The following SDCCAG8 variants were observed in gnomAD, a reference collection of about 807,000 sequenced individuals.
The protein encoded by SDCCAG8 is SHH signaling and ciliogenesis regulator SDCCAG8, also known as serologically defined colon cancer antigen 8.
Under a neutral mutation model 101.8 loss-of-function variants are expected in SDCCAG8, and 74 were observed. The observed-to-expected ratio is 0.73, with a 90% CI of 0.60 to 0.88. The LOEUF (loss-of-function observed/expected upper bound fraction) is 0.88. Among genes scored for constraint, SDCCAG8 ranks in the 40% least tolerant of loss-of-function variants. The pLI, the probability that SDCCAG8 is intolerant of heterozygous loss-of-function variation, is 0.00. For synonymous variants in SDCCAG8, 281 were observed against 292.9 expected (o/e 0.96, Z 0.41); for missense variants, 787 against 822.6 (o/e 0.96, Z 0.53).
intron 16 of SDCCAG8, among the ~76,000 whole-genome samples, chr1:243,450,446 G>A (rs11800122): frequency 0.19 from 28,323 of 152,072 alleles, 2,850 homozygotes; most frequent in African/African-American, 0.26. Context: ...AAAATACAAA[G>A]GTGATTGAAT....
intron 13 of SDCCAG8, among the ~76,000 whole-genome samples, chr1:243,381,954 G>C (rs886877050): frequency 3.3e-5 from 5 of 152,226 alleles, no homozygotes; most frequent in African/African-American, 1.2e-4. Context: ...GGATAGTCAG[G>C]GAGGTGGAGA....
intron 4 of SDCCAG8, among the ~76,000 whole-genome samples, chr1:243,283,814 C>T (rs372458616): frequency 6.6e-6 from 1 of 152,176 alleles, no homozygotes; most frequent in Non-Finnish European, 1.5e-5. Context: ...GATCTTGGCT[C>T]ACTGCAACCT....
chr1:243,317,591 G>T (rs1235739369), intron 9 of SDCCAG8, among the ~76,000 whole-genome samples: 1 of 152,226 alleles, frequency 6.6e-6, no homozygotes, highest in Non-Finnish European at 1.5e-5. Flanking sequence ...AAAGTGCTGA[G>T]ATTACAGGCG....
chr1:243,357,214 C>T (rs1227871887), intron 12 of SDCCAG8, among the ~76,000 whole-genome samples: 2 of 151,844 alleles, frequency 1.3e-5, no homozygotes, highest in African/African-American at 4.8e-5. Flanking sequence ...CCCATCTCTA[C>T]TAAAAATACA....
At chr1:243,391,991 C>T (rs144419793) in intron 13 of SDCCAG8, among the ~76,000 whole-genome samples, 58 of 152,218 alleles carry the variant, frequency 3.8e-4, no homozygotes, top group African/African-American at 1.2e-3. Context: ...CCAGGCTGGA[C>T]GTTGCTTGAG....
rs528849901 is a variant in SDCCAG8 at position 243,442,489 on chromosome 1, G to A, written c.1985+15931G>A. ...GTGTGGCCTTCCCAAAGACAAGGAA[G>A]CGTCCCATTCAAGTGTGTCTCAGTG... On this transcript the variant is annotated intron_variant, in intron 16 of 17. Transcript: ENST00000366541. Among the ~76,000 whole-genome samples the A allele has an allele frequency of 3.9e-5, 6 of 152,198 alleles. No homozygotes were observed. In the East Asian group the frequency reaches 1.2e-3, roughly 29 times the overall value.
intron 6 of SDCCAG8, among the ~76,000 whole-genome samples, chr1:243,294,507 G>GAGAGAGAGAGAGAGAGAGAGAGAC (rs2070637406): frequency 3.9e-5 from 1 of 25,754 alleles, no homozygotes; most frequent in Non-Finnish European, 8.2e-5. Flanking sequence ...GAGAAAGAGC[G>GAGAGAGAGAGAGAGAGAGAGAGAC]AGAGAGAGAG....
At chr1:243,378,941 T>TA in intron 13 of SDCCAG8, 78 bp downstream of exon 13, 1 of 1,572,510 alleles carries the variant, frequency 6.4e-7, no homozygotes, top group Non-Finnish European at 8.8e-7. Context: ...AAACAGTTGT[T>TA]AGAGTTAGTC....
intron 16 of SDCCAG8, among the ~76,000 whole-genome samples, chr1:243,441,962 A>T (rs1038764239): frequency 1.3e-5 from 2 of 152,202 alleles, no homozygotes; most frequent in African/African-American, 4.8e-5. Context: ...CTGTTATAAC[A>T]TCTATATGTG....
chr1:243,283,582 TGAG>T (rs1358307749), intron 4 of SDCCAG8, among the ~76,000 whole-genome samples: 2 of 151,974 alleles, frequency 1.3e-5, no homozygotes, highest in African/African-American at 4.8e-5. Context: ...AGTCTACTGA[TGAG>T]CCTTTCAAAG....
At chr1:243,480,607 G>GATGGATGGATGGGTGGT (rs1663422616) in intron 16 of SDCCAG8, among the ~76,000 whole-genome samples, 2 of 95,014 alleles carry the variant, frequency 2.1e-5, no homozygotes, top group Non-Finnish European at 4.3e-5. Context: ...GGGTGGGATG[G>GATGGATGGATGGGTGGT]ATGGATGGAT....
intron 16 of SDCCAG8, among the ~76,000 whole-genome samples, chr1:243,465,692 A>G (rs2148173665): frequency 6.6e-6 from 1 of 152,354 alleles, no homozygotes; most frequent in East Asian, 1.9e-4. Context: ...TATAATTTAA[A>G]TGTCTCTGAA....
rs1384351807 is a variant in SDCCAG8 at position 243,379,775 on chromosome 1, TA to T, written c.1616+915del. 1.1e-4 allele frequency among the ~76,000 whole-genome samples: 16 copies of T among 152,354 alleles called. No individual in the cohort carries two copies. The East Asian group carries it at 2.9e-3, about 28-fold the overall frequency. On this transcript the variant is annotated intron_variant, in intron 13 of 17. Transcript: ENST00000366541. Reference sequence around the variant, plus strand: ...AGTTCATGATATTTGGTTTGGTTTATAAATTAGAAAAACATTGGTCTTCCAA... The same window carrying T: ...AGTTCATGATATTTGGTTTGGTTTATAATTAGAAAAACATTGGTCTTCCAA...
chr1:243,307,817 C>T, intron 7 of SDCCAG8, 172 bp from the exon 8 acceptor site: 1 of 1,461,896 alleles, frequency 6.8e-7, no homozygotes, highest in East Asian at 2.5e-5. Context: ...CAATTAGAAT[C>T]ACCACACCAA....
At chr1:243,495,637 G>A (rs1047861375) in intron 17 of SDCCAG8, among the ~76,000 whole-genome samples, 4 of 152,222 alleles carry the variant, frequency 2.6e-5, no homozygotes, top group Admixed American at 6.5e-5. Flanking sequence ...CAGCAGGGCC[G>A]CAGGGGCCTG....
chr1:243,310,714 G>T (rs1305534186), intron 8 of SDCCAG8, among the ~76,000 whole-genome samples: 4 of 152,100 alleles, frequency 2.6e-5, no homozygotes, highest in Non-Finnish European at 4.4e-5. Context: ...AAAAATATTT[G>T]CACTATACAT....
chr1:243,303,404 C>A (rs930871279), intron 6 of SDCCAG8, among the ~76,000 whole-genome samples: 1 of 152,110 alleles, frequency 6.6e-6, no homozygotes, highest in Non-Finnish European at 1.5e-5. Context: ...GAAATTACCA[C>A]GTGTTTCCAT....
chr1:243,409,660 G>C (rs942166215), intron 13 of SDCCAG8, among the ~76,000 whole-genome samples: 2 of 152,080 alleles, frequency 1.3e-5, no homozygotes. Flanking sequence ...GACATGTCAC[G>C]TAGGAACCAC....
intron 15 of SDCCAG8, among the ~76,000 whole-genome samples, chr1:243,425,295 G>T (rs1207393161): frequency 6.6e-6 from 1 of 152,084 alleles, no homozygotes; most frequent in Non-Finnish European, 1.5e-5. Context: ...GAACTGCAAG[G>T]TATCAATCAG....
Sources: gnomAD v4.1 joint callset for allele counts (sites outside exome capture counted in the v4.1 genomes callset) on GRCh38, gnomAD v4.1.1 for gene constraint, MANE v1.5 for transcripts, NCBI Gene and HGNC (gene_info 2026-07-23, HGNC 2026-07-21) for gene names.